Variants in COL22A1 observed in about 807,000 individuals in gnomAD.
The protein encoded by COL22A1 is collagen type XXII alpha 1 chain, also known as collagen alpha-1(XXII) chain.
Under a neutral mutation model 248.9 loss-of-function variants are expected in COL22A1, and 221 were observed. The ratio of observed to expected loss-of-function variants is 0.89; its 90% CI spans 0.80 to 0.99. The LOEUF (loss-of-function observed/expected upper bound fraction) is 0.99. Ranked by LOEUF, COL22A1 falls within the 50% of genes least tolerant of loss-of-function variation. The pLI, the probability that COL22A1 is intolerant of heterozygous loss-of-function variation, is 0.00. For synonymous variants in COL22A1, 891 were observed against 793.4 expected (o/e 1.12, Z -2.07); for missense variants, 2,240 against 2,179.0 (o/e 1.03, Z -0.56).
intron 1 of COL22A1, among the ~76,000 whole-genome samples, chr8:138,912,337 A>C (rs1282889699): frequency 3.3e-5 from 5 of 152,230 alleles, no homozygotes; most frequent in Non-Finnish European, 7.3e-5. Flanking sequence ...GGAACCTTTG[A>C]ACTTAACCAG....
At chr8:138,669,071 G>A (rs1824781285) in intron 41 of COL22A1, among the ~76,000 whole-genome samples, 1 of 152,174 alleles carries the variant, frequency 6.6e-6, no homozygotes, top group African/African-American at 2.4e-5. Flanking sequence ...GTCTGAAGGA[G>A]AAGGGCCTGA....
At chr8:138,658,546 C>T (rs1484653012) in intron 44 of COL22A1, among the ~76,000 whole-genome samples, 5 of 152,124 alleles carry the variant, frequency 3.3e-5, no homozygotes, top group African/African-American at 7.2e-5. Context: ...TGTCACACAC[C>T]GTGACTTGGA....
At chr8:138,785,247 A>C (rs16909623) in intron 12 of COL22A1, among the ~76,000 whole-genome samples, 1,563 of 152,296 alleles carry the variant, frequency 0.01, 13 homozygotes, top group Non-Finnish European at 0.015. Flanking sequence ...GCGTGGAGCC[A>C]GGAGACGGTG....
intron 16 of COL22A1, among the ~76,000 whole-genome samples, chr8:138,767,666 C>T (rs1241599531): frequency 2.0e-5 from 3 of 152,178 alleles, no homozygotes; most frequent in Non-Finnish European, 4.4e-5. Context: ...GATATTGTTC[C>T]CATTTTCACG....
rs1412318726 is a variant in COL22A1, at chr8:138,588,290, T to C, written c.*963A>G. 4 of 152,308 alleles carry C rather than the reference T, an allele frequency of 2.6e-5. No homozygotes were observed. The highest frequency in any genetic ancestry group is 9.6e-5 in the African/African-American group (4 of 41,560). 9.4% of individuals were successfully genotyped at this position (152,308 alleles called of 1,614,324 possible). ...ACCTGTTCAGGCAGGGCATGTCGCATACACACATGCACTTGATGCCATTTA... is the reference window on the plus strand; with the variant it reads ...ACCTGTTCAGGCAGGGCATGTCGCACACACACATGCACTTGATGCCATTTA... On this transcript the variant is annotated 3_prime_UTR_variant, in exon 65 of 65. Transcript: ENST00000303045.
intron 18 of COL22A1, among the ~76,000 whole-genome samples, chr8:138,757,090 C>T (rs538121748): frequency 1.1e-4 from 17 of 152,332 alleles, no homozygotes; most frequent in Non-Finnish European, 7.3e-5. Context: ...TGCTTGCACA[C>T]ACACTGCATT....
At chr8:138,668,347 T>G (rs1029462349) in intron 41 of COL22A1, among the ~76,000 whole-genome samples, 1 of 152,166 alleles carries the variant, frequency 6.6e-6, no homozygotes, top group Admixed American at 6.5e-5. Flanking sequence ...TTTACTATTC[T>G]ACCTACTTTT....
At chr8:138,666,011 C>T (rs981533302) in intron 41 of COL22A1, among the ~76,000 whole-genome samples, 1 of 151,478 alleles carries the variant, frequency 6.6e-6, no homozygotes, top group Non-Finnish European at 1.5e-5. Flanking sequence ...CCTGAAGAAC[C>T]TATGCAGAGT....
intron 43 of COL22A1, among the ~76,000 whole-genome samples, chr8:138,661,485 T>C (rs1420095684): frequency 6.6e-6 from 1 of 152,216 alleles, no homozygotes; most frequent in African/African-American, 2.4e-5. Context: ...GGCACGCTGC[T>C]GGGCACCAGG....
chr8:138,810,084 C>T (rs753011553), intron 9 of COL22A1, among the ~76,000 whole-genome samples: 4 of 151,522 alleles, frequency 2.6e-5, no homozygotes, highest in Admixed American at 2.6e-4. Context: ...ATAGCAGGTG[C>T]TAAATGAATA....
intron 22 of COL22A1, among the ~76,000 whole-genome samples, chr8:138,738,016 T>G (rs1333210406): frequency 6.6e-6 from 1 of 152,014 alleles, no homozygotes; most frequent in Non-Finnish European, 1.5e-5. Context: ...CCGTCCCCCG[T>G]TTCTTCACAG....
intron 22 of COL22A1, among the ~76,000 whole-genome samples, chr8:138,750,134 T>C (rs951287039): frequency 1.3e-5 from 2 of 152,220 alleles, no homozygotes; most frequent in African/African-American, 4.8e-5. Flanking sequence ...TGCTCCTCCT[T>C]GCCTTCTGCC....
intron 44 of COL22A1, among the ~76,000 whole-genome samples, chr8:138,659,633 C>T (rs944531557): frequency 1.7e-4 from 26 of 152,210 alleles, no homozygotes; most frequent in African/African-American, 5.5e-4. Flanking sequence ...TGCTCCTTCC[C>T]TAGAGGGTCC....
chr8:138,769,110 A>C (rs936644934), intron 16 of COL22A1, among the ~76,000 whole-genome samples: 5 of 151,852 alleles, frequency 3.3e-5, no homozygotes, highest in African/African-American at 1.2e-4. Context: ...TCCTTGTCCT[A>C]TACTTTGCAA....
chr8:138,720,246 G>A (rs1433361476), intron 27 of COL22A1, among the ~76,000 whole-genome samples: 2 of 152,104 alleles, frequency 1.3e-5, no homozygotes, highest in African/African-American at 4.8e-5. Flanking sequence ...GATTGCATCT[G>A]CCAGCTTTCC....
intron 5 of COL22A1, 66 bp downstream of exon 5, chr8:138,832,973 T>G: frequency 9.5e-7 from 1 of 1,057,394 alleles, no homozygotes; most frequent in Non-Finnish European, 1.5e-6. Context: ...AACAGGCTGC[T>G]GGGCCCCTTT....
At chr8:138,679,205 G>A (rs899364877) in intron 40 of COL22A1, among the ~76,000 whole-genome samples, 6 of 152,190 alleles carry the variant, frequency 3.9e-5, no homozygotes, top group Non-Finnish European at 7.3e-5. Context: ...GATAGAAAGT[G>A]AACTAAACAC....
In COL22A1 at chr8:138,694,835, A is replaced by G; in HGVS notation, c.2637T>C (p.Pro879=). The G allele has an allele frequency of 5.0e-6, 8 of 1,614,024 alleles. No homozygotes were observed. The highest frequency in any genetic ancestry group is 6.8e-6 in the Non-Finnish European group (8 of 1,179,960). ...GACACAAGAGACTCACCGGTTCCCC[A>G]GGCAGGCCTGGATCGCCCTTCTCTC... is the stretch of plus-strand genomic sequence containing the variant. ...PKGEKGDPGL[P]GEPGLQGRPG... Residue 879 remains proline, a synonymous_variant, in exon 33 of 65, where the codon CCT becomes CCC. Coordinates refer to ENST00000303045, the MANE Select transcript of COL22A1 (RefSeq NM_152888.3).
At chr8:138,836,340 T>C (rs1432947223) in intron 4 of COL22A1, among the ~76,000 whole-genome samples, 1 of 152,112 alleles carries the variant, frequency 6.6e-6, no homozygotes, top group Admixed American at 6.6e-5. Context: ...AAAAGACCAG[T>C]CATCAGGCCT....
Sources: gnomAD v4.1 joint callset for allele counts (sites outside exome capture counted in the v4.1 genomes callset) on GRCh38, gnomAD v4.1.1 for gene constraint, MANE v1.5 for transcripts, NCBI Gene and HGNC (gene_info 2026-07-23, HGNC 2026-07-21) for gene names.